Variants in MSRB3 observed in about 807,000 individuals in gnomAD.
MSRB3 encodes the protein methionine-R-sulfoxide reductase B3.
In MSRB3, 13 loss-of-function variants were observed where a neutral mutation model predicts 21.0. The observed-to-expected ratio is 0.62, with a 90% CI of 0.40 to 0.98. The LOEUF is 0.98. Ranked by LOEUF, MSRB3 falls within the 50% of genes least tolerant of loss-of-function variation. The pLI is 0.00. For missense variants in MSRB3, 199 were observed against 230.3 expected (o/e 0.86, Z 0.88); for synonymous variants, 87 against 88.6 (o/e 0.98, Z 0.10).
At chr12:65,410,939 A>C (rs1184941771) in intron 5 of MSRB3, among the ~76,000 whole-genome samples, 3 of 152,164 alleles carry the variant, frequency 2.0e-5, no homozygotes, top group Admixed American at 2.0e-4. Flanking sequence ...GCCTTTTCAC[A>C]TGTACCTTTC....
intron 4 of MSRB3, among the ~76,000 whole-genome samples, chr12:65,334,752 G>A (rs949909798): frequency 6.6e-6 from 1 of 152,192 alleles, no homozygotes; most frequent in African/African-American, 2.4e-5. Flanking sequence ...TGGAGCCAAT[G>A]TTCAGGAAGT....
At chr12:65,356,705 A>C (rs1366078435) in intron 4 of MSRB3, among the ~76,000 whole-genome samples, 1 of 151,926 alleles carries the variant, frequency 6.6e-6, no homozygotes. Flanking sequence ...AGTGGTTCTC[A>C]GGATTAGCTA....
At chr12:65,408,312 C>T (rs1176077483) in intron 5 of MSRB3, among the ~76,000 whole-genome samples, 2 of 152,108 alleles carry the variant, frequency 1.3e-5, no homozygotes, top group Non-Finnish European at 2.9e-5. Flanking sequence ...CCAGGCTGGT[C>T]TCGAACTCCT....
intron 5 of MSRB3, among the ~76,000 whole-genome samples, chr12:65,430,258 G>C (rs1305285653): frequency 6.6e-6 from 1 of 152,152 alleles, no homozygotes; most frequent in African/African-American, 2.4e-5. Context: ...AACATTTACT[G>C]TTTTAAGTGG....
At chr12:65,455,487 G>A (rs1313516093) in intron 6 of MSRB3, among the ~76,000 whole-genome samples, 1 of 152,118 alleles carries the variant, frequency 6.6e-6, no homozygotes, top group Non-Finnish European at 1.5e-5. Flanking sequence ...CCTCTGGTTA[G>A]TGCTCACCAT....
At chr12:65,313,593 C>G (rs1874116980) in intron 2 of MSRB3, among the ~76,000 whole-genome samples, 1 of 152,110 alleles carries the variant, frequency 6.6e-6, no homozygotes, top group Middle Eastern at 3.4e-3. Flanking sequence ...TATTCAGGAC[C>G]TCTGTTCTAA....
intron 5 of MSRB3, among the ~76,000 whole-genome samples, chr12:65,380,675 G>A (rs1198025856): frequency 1.3e-5 from 2 of 152,138 alleles, no homozygotes; most frequent in African/African-American, 2.4e-5. Flanking sequence ...TATGTAATAT[G>A]CTCTGTACTA....
intron 4 of MSRB3, among the ~76,000 whole-genome samples, chr12:65,342,215 C>A (rs1194919733): frequency 1.3e-5 from 2 of 149,064 alleles, no homozygotes; most frequent in African/African-American, 5.0e-5. Flanking sequence ...AAAAAAAAAA[C>A]CAACAGCAGT....
intron 5 of MSRB3, among the ~76,000 whole-genome samples, chr12:65,437,205 C>G (rs1882160029): frequency 6.6e-6 from 1 of 151,722 alleles, no homozygotes; most frequent in Admixed American, 6.6e-5. Context: ...AGCATGATGG[C>G]AGGATTTTGA....
chr12:65,279,819 C>G (rs1871905001), intron 1 of MSRB3, among the ~76,000 whole-genome samples: 8 of 152,144 alleles, frequency 5.3e-5, no homozygotes, highest in Admixed American at 5.2e-4. Flanking sequence ...ATTGCATGGA[C>G]TTTTACGTTT....
intron 5 of MSRB3, among the ~76,000 whole-genome samples, chr12:65,411,340 G>A (rs963486735): frequency 2.0e-5 from 3 of 152,076 alleles, no homozygotes; most frequent in African/African-American, 7.2e-5. Context: ...TACTTGTGTT[G>A]TTACTTTTTA....
intron 1 of MSRB3, among the ~76,000 whole-genome samples, chr12:65,306,511 G>A (rs1218220226): frequency 2.0e-5 from 3 of 152,016 alleles, no homozygotes; most frequent in Non-Finnish European, 2.9e-5. Context: ...AAAATAATTC[G>A]GATAATATCA....
chr12:65,365,233 T>G (rs1877941114), intron 4 of MSRB3, among the ~76,000 whole-genome samples: 1 of 152,162 alleles, frequency 6.6e-6, no homozygotes, highest in Non-Finnish European at 1.5e-5. Flanking sequence ...CATTCAGTGT[T>G]GGGAGCATGA....
At chr12:65,322,800 A>G (rs1874770646) in intron 2 of MSRB3, among the ~76,000 whole-genome samples, 2 of 152,106 alleles carry the variant, frequency 1.3e-5, no homozygotes, top group Admixed American at 1.3e-4. Context: ...TCCACGCCTC[A>G]GTTTCTGTAT....
intron 1 of MSRB3, chr12:65,285,394 G>A (rs1422010671): frequency 6.6e-6 from 1 of 152,184 alleles, no homozygotes; most frequent in African/African-American, 2.4e-5. Flanking sequence ...TGCTGATGTG[G>A]AAACCTCAGG....
chr12:65,293,161 C>T (rs1188258702), intron 1 of MSRB3, among the ~76,000 whole-genome samples: 5 of 152,118 alleles, frequency 3.3e-5, no homozygotes, highest in African/African-American at 1.2e-4. Context: ...TTACTTGAGC[C>T]AGAATTGAAG....
intron 2 of MSRB3, among the ~76,000 whole-genome samples, chr12:65,324,073 T>C (rs1874860885): frequency 6.6e-6 from 1 of 152,202 alleles, no homozygotes; most frequent in African/African-American, 2.4e-5. Flanking sequence ...TTGACAACTT[T>C]AAATAATCAC....
At chr12:65,319,565 A>T (rs1371643139) in intron 2 of MSRB3, among the ~76,000 whole-genome samples, 1 of 152,118 alleles carries the variant, frequency 6.6e-6, no homozygotes, top group Non-Finnish European at 1.5e-5. Flanking sequence ...CATTGTATAG[A>T]TTGTTTTTCT....
At chr12:65,378,891 G>T (rs749185789) in intron 5 of MSRB3, among the ~76,000 whole-genome samples, 1 of 152,064 alleles carries the variant, frequency 6.6e-6, no homozygotes, top group African/African-American at 2.4e-5. Context: ...ACACAAAATC[G>T]CAAGAAAAAT....
Sources: gnomAD v4.1 joint callset for allele counts (sites outside exome capture counted in the v4.1 genomes callset) on GRCh38, gnomAD v4.1.1 for gene constraint, MANE v1.5 for transcripts, NCBI Gene and HGNC (gene_info 2026-07-23, HGNC 2026-07-21) for gene names.